The following TENM4 variants were observed in gnomAD, a reference collection of about 807,000 sequenced individuals.
TENM4 encodes teneurin transmembrane protein 4.
Under a neutral mutation model 243.3 loss-of-function variants are expected in TENM4, and 82 were observed. That is an observed-to-expected ratio of 0.34 (90% CI 0.28 to 0.40). TENM4 has a LOEUF of 0.40. TENM4 is among the 10% of genes least tolerant of loss of function. The probability of loss-of-function intolerance (pLI) is 1.00; values close to 1 mark genes in which losing one functional copy is unlikely to be tolerated. For synonymous variants in TENM4, 1,412 were observed against 1,456.3 expected (o/e 0.97, Z 0.69); for missense variants, 3,138 against 3,673.3 (o/e 0.85, Z 3.77).
intron 12 of TENM4, among the ~76,000 whole-genome samples, chr11:78,827,733 C>T (rs1468566592): frequency 6.6e-6 from 1 of 152,136 alleles, no homozygotes; most frequent in African/African-American, 2.4e-5. Context: ...AGGTGATCTG[C>T]CTGCCTCAGC....
chr11:78,736,139 T>C (rs1855786747), intron 20 of TENM4, among the ~76,000 whole-genome samples: 1 of 151,934 alleles, frequency 6.6e-6, no homozygotes, highest in Admixed American at 6.6e-5. Flanking sequence ...GTTTTTTTGA[T>C]AGAGACATGG....
intron 14 of TENM4, among the ~76,000 whole-genome samples, chr11:78,810,952 A>G (rs1857486495): frequency 6.6e-6 from 1 of 152,220 alleles, no homozygotes; most frequent in Admixed American, 6.5e-5. Context: ...AATTCCAACC[A>G]TTTAAAAAGA....
chr11:78,839,808 G>T (rs1381856895), intron 12 of TENM4, among the ~76,000 whole-genome samples: 1 of 152,106 alleles, frequency 6.6e-6, no homozygotes. Flanking sequence ...GTATTTCTAT[G>T]ACTTAGTATT....
intron 1 of TENM4, among the ~76,000 whole-genome samples, chr11:79,334,797 A>G (rs1305221257): frequency 6.6e-6 from 1 of 152,224 alleles, no homozygotes; most frequent in South Asian, 2.1e-4. Flanking sequence ...TGTCATAAAG[A>G]GATCTGTTTC....
chr11:79,363,031 A>G (rs1018808772), intron 1 of TENM4, among the ~76,000 whole-genome samples: 12 of 152,192 alleles, frequency 7.9e-5, no homozygotes, highest in African/African-American at 2.4e-4. Context: ...ATCATTGGAC[A>G]CTGACTCACA....
intron 6 of TENM4, among the ~76,000 whole-genome samples, chr11:79,053,976 T>G (rs1473166188): frequency 1.3e-5 from 2 of 152,216 alleles, no homozygotes; most frequent in African/African-American, 4.8e-5. Flanking sequence ...CTTGACATGC[T>G]AGTTTCATGT....
At chr11:78,848,307 C>T (rs75751369) in intron 12 of TENM4, among the ~76,000 whole-genome samples, 153 of 152,280 alleles carry the variant, frequency 1.0e-3, no homozygotes, top group Non-Finnish European at 1.6e-3. Flanking sequence ...GTGCCTAATA[C>T]TTAAAGAATA....
chr11:78,875,278 A>C (rs957885538), intron 9 of TENM4, among the ~76,000 whole-genome samples: 1 of 152,100 alleles, frequency 6.6e-6, no homozygotes, highest in Non-Finnish European at 1.5e-5. Flanking sequence ...GCCCAGGCTC[A>C]CTGCAATCTC....
intron 4 of TENM4, among the ~76,000 whole-genome samples, chr11:79,070,498 A>G (rs1215911753): frequency 1.3e-5 from 2 of 152,120 alleles, no homozygotes; most frequent in African/African-American, 4.8e-5. Flanking sequence ...ACTCTCTCCA[A>G]CCTCTTTTGG....
At chr11:79,426,153 G>GAT (rs1437073976) in intron 1 of TENM4, among the ~76,000 whole-genome samples, 1 of 152,216 alleles carries the variant, frequency 6.6e-6, no homozygotes, top group Non-Finnish European at 1.5e-5. Flanking sequence ...AGTGCAGGCA[G>GAT]ATGTGAGAAG....
At chr11:78,930,296 G>A (rs1405465186) in intron 6 of TENM4, among the ~76,000 whole-genome samples, 2 of 152,182 alleles carry the variant, frequency 1.3e-5, no homozygotes, top group African/African-American at 4.8e-5. Context: ...TCAATGTTCC[G>A]AAAGCTCTGT....
At chr11:78,940,738 C>T (rs78062545) in intron 6 of TENM4, among the ~76,000 whole-genome samples, 1,927 of 152,252 alleles carry the variant, frequency 0.013, 9 homozygotes, top group Non-Finnish European at 0.015. Flanking sequence ...TATGCTTGGG[C>T]AGGTCACCCT....
In TENM4 at chr11:78,786,983, G is replaced by A; in HGVS notation, c.2280C>T (p.Cys760=). The part of the protein sequence containing the change: ...WMGAACDQRA[C]HPRCAEHGTC... ...TCCCATGCTCGGCACAGCGCGGGTGGCAGGCCCGCTGGTCGCAGGCTGCCC... is the reference window on the plus strand; with the variant it reads ...TCCCATGCTCGGCACAGCGCGGGTGACAGGCCCGCTGGTCGCAGGCTGCCC... The change falls in exon 16 of 34, where the codon TGC becomes TGT. Residue 760 remains cysteine, a synonymous_variant. Coordinates refer to ENST00000278550, the MANE Select transcript of TENM4 (RefSeq NM_001098816.3). The A allele has an allele frequency of 6.3e-7, 1 of 1,583,270 alleles. No individual in the cohort carries two copies. The highest frequency in any genetic ancestry group is 2.3e-5 in the East Asian group (1 of 42,970).
intron 12 of TENM4, among the ~76,000 whole-genome samples, chr11:78,823,195 G>T (rs1256787445): frequency 6.6e-6 from 1 of 152,182 alleles, no homozygotes; most frequent in Non-Finnish European, 1.5e-5. Context: ...GAGCGCTCCC[G>T]GGAAATGCCT....
intron 19 of TENM4, among the ~76,000 whole-genome samples, chr11:78,739,695 G>A (rs1057377500): frequency 1.3e-5 from 2 of 152,122 alleles, no homozygotes; most frequent in African/African-American, 4.8e-5. Flanking sequence ...AGTGGAAAAC[G>A]AATGAAAAGA....
rs144891295 is a variant in TENM4 at position 79,100,685 on chromosome 11, C to T, written c.-65-30676G>A. Among the ~76,000 whole-genome samples, 21 of 152,236 alleles carry T rather than the reference C, an allele frequency of 1.4e-4. No homozygotes were observed. In the East Asian group the frequency reaches 3.7e-3, roughly 27 times the overall value. ...CAATTTTAGGAAACCCCAATCTGTGCCAGTCCCCCTCCAGTTTAGAAGTCC... is the reference window on the plus strand; with the variant it reads ...CAATTTTAGGAAACCCCAATCTGTGTCAGTCCCCCTCCAGTTTAGAAGTCC... On this transcript the variant is annotated intron_variant, in intron 4 of 33. Transcript: ENST00000278550.
At chr11:79,092,259 T>C (rs1314306685) in intron 4 of TENM4, among the ~76,000 whole-genome samples, 1 of 152,200 alleles carries the variant, frequency 6.6e-6, no homozygotes, top group East Asian at 1.9e-4. Flanking sequence ...GTAATGAGTG[T>C]ACGTACATGT....
At chr11:79,142,092 C>A (rs7938256) in intron 4 of TENM4, among the ~76,000 whole-genome samples, 8,383 of 152,056 alleles carry the variant, frequency 0.055, 332 homozygotes, top group Non-Finnish European at 0.078. Context: ...CAATGATGCC[C>A]ACTCTTGCCA....
chr11:79,243,227 GT>G (rs1239933714), intron 2 of TENM4, among the ~76,000 whole-genome samples: 1 of 152,062 alleles, frequency 6.6e-6, no homozygotes, highest in Non-Finnish European at 1.5e-5. Context: ...TGTTTCGGGG[GT>G]CATTTTTAGC....
Sources: allele counts gnomAD v4.1 joint callset (sites outside exome capture counted in the v4.1 genomes callset), GRCh38; gene constraint gnomAD v4.1.1; transcripts MANE v1.5; gene names NCBI Gene and HGNC (gene_info 2026-07-23, HGNC 2026-07-21).